LRRC8C: variants seen among roughly 807,000 people sequenced by gnomAD.
LRRC8C encodes volume-regulated anion channel subunit LRRC8C.
Under a neutral mutation model 55.3 loss-of-function variants are expected in LRRC8C, and 20 were observed. The ratio of observed to expected loss-of-function variants is 0.36; its 90% CI spans 0.25 to 0.53. The LOEUF is 0.53. Among genes scored for constraint, LRRC8C ranks in the 20% least tolerant of loss-of-function variants. LRRC8C has a pLI of 0.92. For missense variants in LRRC8C, 659 were observed against 951.4 expected (o/e 0.69, Z 4.04); for synonymous variants, 376 against 360.7 (o/e 1.04, Z -0.48).
intron 2 of LRRC8C, among the ~76,000 whole-genome samples, chr1:89,702,174 A>G (rs960188716): frequency 1.3e-5 from 2 of 152,182 alleles, no homozygotes; most frequent in African/African-American, 4.8e-5. Flanking sequence ...AAATACCATG[A>G]TAAGACCTAT....
At chr1:89,632,125 A>G (rs1656123835), upstream of LRRC8C, 1 of 152,190 alleles carries the variant, frequency 6.6e-6, no homozygotes, top group Non-Finnish European at 1.5e-5. Context: ...TTACTTAGTA[A>G]TCTTGTCGGT....
intron 1 of LRRC8C, among the ~76,000 whole-genome samples, chr1:89,679,236 A>G (rs12094066): frequency 2.0e-5 from 3 of 152,200 alleles, no homozygotes; most frequent in Non-Finnish European, 4.4e-5. Flanking sequence ...GTCAAATTAC[A>G]TGAAGTGCTG....
At chr1:89,698,990 TAA>T (rs540388071) in intron 2 of LRRC8C, among the ~76,000 whole-genome samples, 87 of 150,670 alleles carry the variant, frequency 5.8e-4, no homozygotes, top group African/African-American at 1.9e-3. Flanking sequence ...AAAAAGAAAT[TAA>T]AAAAGAGAGA....
chr1:89,685,387 T>C (rs892173687), intron 1 of LRRC8C, among the ~76,000 whole-genome samples: 1 of 151,090 alleles, frequency 6.6e-6, no homozygotes, highest in African/African-American at 2.4e-5. Flanking sequence ...AGTGCTGGGA[T>C]TACAGGCGTG....
chr1:89,637,750 A>G (rs1656330564), intron 1 of LRRC8C, among the ~76,000 whole-genome samples: 1 of 152,182 alleles, frequency 6.6e-6, no homozygotes, highest in African/African-American at 2.4e-5. Context: ...GAATATATTG[A>G]AAATTTCCTA....
chr1:89,637,628 T>G (rs1026876833), intron 1 of LRRC8C, among the ~76,000 whole-genome samples: 2 of 152,048 alleles, frequency 1.3e-5, no homozygotes, highest in African/African-American at 4.8e-5. Context: ...AAAGAGAAAC[T>G]AATGTCACCT....
At position 89,689,584 on chromosome 1, in the gene LRRC8C, G is replaced by T. The variant is rs151224057; in HGVS notation, c.138+2973G>T. 3.9e-5 allele frequency among the ~76,000 whole-genome samples: 6 copies of T among 152,258 alleles called. No homozygotes were observed. In the East Asian group the frequency reaches 1.2e-3, roughly 29 times the overall value. On this transcript the variant is annotated intron_variant, in intron 2 of 2. Transcript: ENST00000370454. ...TGAGTAGGGTGAAAGCAGTTGTTCT[G>T]CATGTATTTTGAAGGAAAACCCACC...
At chr1:89,638,212 A>T (rs1482355611) in intron 1 of LRRC8C, among the ~76,000 whole-genome samples, 4 of 152,216 alleles carry the variant, frequency 2.6e-5, no homozygotes, top group African/African-American at 9.6e-5. Context: ...TTGTGAAGGT[A>T]AAACAAGAAG....
Position 89,677,325 on chromosome 1 carries a change from C to T in LRRC8C, c.-4-9145C>T, listed in dbSNP as rs113907486. On this transcript the variant is annotated intron_variant, in intron 1 of 2. Coordinates refer to ENST00000370454, the MANE Select transcript of LRRC8C (RefSeq NM_032270.5). ...GAAGTATTCATTGGGTTGCAAGTTC[C>T]GCTTACCTCTTAAGATTCCTTTGAG... Among the ~76,000 whole-genome samples the T allele has an allele frequency of 3.8e-4, 58 of 152,246 alleles. 1 individual carries two copies. The highest frequency in any genetic ancestry group is 1.3e-3 in the African/African-American group (53 of 41,540).
chr1:89,676,945 T>A (rs1305111502), intron 1 of LRRC8C, among the ~76,000 whole-genome samples: 1 of 152,198 alleles, frequency 6.6e-6, no homozygotes, highest in Non-Finnish European at 1.5e-5. Context: ...TGAATTATGC[T>A]TGTGAGAGGG....
chr1:89,617,697 G>A, the LRRC8C span, among the ~76,000 whole-genome samples: 1 of 152,118 alleles, frequency 6.6e-6, no homozygotes, highest in East Asian at 1.9e-4. Context: ...CCTCACTTAG[G>A]ATGCCAGTCA....
chr1:89,699,368 T>C (rs1244059404), intron 2 of LRRC8C, among the ~76,000 whole-genome samples: 1 of 152,166 alleles, frequency 6.6e-6, no homozygotes, highest in Non-Finnish European at 1.5e-5. Flanking sequence ...AAGGTAACTG[T>C]AGACTTTGGA....
At chr1:89,626,183 T>G in the LRRC8C span, 1 of 152,220 alleles carries the variant, frequency 6.6e-6, no homozygotes, top group East Asian at 1.9e-4. Context: ...CAGTGATATT[T>G]AGGTGCAAAG....
At chr1:89,703,589 T>A (rs567328977) in intron 2 of LRRC8C, among the ~76,000 whole-genome samples, 1 of 150,576 alleles carries the variant, frequency 6.6e-6, no homozygotes, top group Admixed American at 6.6e-5. Flanking sequence ...AAAAACAAAC[T>A]CTGGGAACAA....
At chr1:89,693,646 CTTTTTTTTTTT>C (rs35427989) in intron 2 of LRRC8C, among the ~76,000 whole-genome samples, 27 of 82,696 alleles carry the variant, frequency 3.3e-4, no homozygotes, top group Admixed American at 1.1e-3. Flanking sequence ...TCTTTTCTTC[CTTTTTTTTTTT>C]TTTTTTTTTT....
Position 89,713,207 on chromosome 1 carries a change from T to G in LRRC8C, c.637T>G (p.Leu213Val). ...AGACAGCCTGGTCAACTCTCAGTCT[T>G]TAAAGTCCATTCCTGAGAAGTTTGT... ...PEDSLVNSQS[L>V]KSIPEKFVVD... Residue 213 changes from leucine (L) to valine (V), a missense_variant, in exon 3 of 3, where the codon TTA (leucine) becomes GTA (valine). By Grantham distance (32) the Leu-to-Val change is conservative (BLOSUM62 1). Transcript: ENST00000370454. The surrounding 1 kb of genome is among the most constrained non-coding windows in gnomAD (Gnocchi z 5.2). The G allele has an allele frequency of 6.2e-7, 1 of 1,614,174 alleles. No individual in the cohort carries two copies. The highest frequency in any genetic ancestry group is 2.2e-5 in the East Asian group (1 of 44,882).
At chr1:89,631,310 G>A (rs1051465792), upstream of LRRC8C, among the ~76,000 whole-genome samples, 21 of 152,042 alleles carry the variant, frequency 1.4e-4, no homozygotes, top group Admixed American at 1.2e-3. Flanking sequence ...GGAAGAATAG[G>A]GATTTCATCC....
chr1:89,712,800 G>A lies in LRRC8C; in HGVS notation c.230G>A (p.Ser77Asn). 6.2e-7 allele frequency: 1 copy of A among 1,614,170 alleles called. No homozygotes were observed. Among genetic ancestry groups the A allele is most frequent in the South Asian group, 1.1e-5 (1 of 91,078 alleles). The part of the protein sequence containing the change: ...SLSNVSQAVA[S>N]TTPLPPPKPS... ...TCGAATGTCTCTCAAGCAGTTGCCA[G>A]TACCACTCCACTGCCTCCACCTAAA... The change falls in exon 3 of 3, where the codon AGT (serine) becomes AAT (asparagine). Residue 77 changes from serine (S) to asparagine (N), a missense_variant. Around this residue, in one of 5 missense-constraint regions of LRRC8C, gnomAD observed 82 missense variants for 71.4 expected, o/e 1.15. Coordinates refer to ENST00000370454, the MANE Select transcript of LRRC8C (RefSeq NM_032270.5).
At chr1:89,636,003 A>G (rs946617100) in intron 1 of LRRC8C, among the ~76,000 whole-genome samples, 3 of 152,212 alleles carry the variant, frequency 2.0e-5, no homozygotes, top group African/African-American at 7.2e-5. Flanking sequence ...TGAACTATAA[A>G]TCATTCTGGT....
Sources: gnomAD v4.1 joint callset for allele counts (sites outside exome capture counted in the v4.1 genomes callset) on GRCh38, gnomAD v4.1.1 for gene constraint, gnomAD v4.1.1 regional missense constraint, Gnocchi (gnomAD v3.1) non-coding constraint, MANE v1.5 for transcripts, NCBI Gene and HGNC (gene_info 2026-07-23, HGNC 2026-07-21) for gene names.